Variants in ANO4 observed in about 807,000 individuals in gnomAD.
The protein encoded by ANO4 is anoctamin-4.
ANO4 carries 69 observed loss-of-function variants against 141.9 expected under a neutral mutation model. That is an observed-to-expected ratio of 0.49 (90% CI 0.40 to 0.59). The LOEUF is 0.59. ANO4 is among the 20% of genes least tolerant of loss of function. ANO4 has a pLI of 0.00. For missense variants in ANO4, 894 were observed against 1,162.2 expected, an observed-to-expected ratio of 0.77 and a Z score of 3.36; for synonymous variants, 350 against 394.3, an observed-to-expected ratio of 0.89 and a Z score of 1.33.
intron 1 of ANO4, among the ~76,000 whole-genome samples, chr12:100,833,033 A>G (rs1284926800): frequency 1.3e-5 from 2 of 152,136 alleles, no homozygotes; most frequent in African/African-American, 4.8e-5. Context: ...TAAAATAAGC[A>G]TATTTAAAAT....
chr12:100,819,069 G>GTA (rs1374484740), intron 1 of ANO4, among the ~76,000 whole-genome samples: 4 of 149,864 alleles, frequency 2.7e-5, no homozygotes, highest in East Asian at 1.9e-4. Context: ...ATGTATGTGT[G>GTA]TATATATATA....
rs577697318 is a variant in ANO4, at chr12:100,867,170, G to A, written c.-140-34476G>A. ...CTGCAATAAAAATATCACTTCTGGA[G>A]CCATAGTTGTGATTGGCAATATCAC... is the stretch of plus-strand genomic sequence containing the variant. On this transcript the variant is annotated intron_variant, in intron 1 of 27. Coordinates refer to ENST00000392977, the MANE Select transcript of ANO4 (RefSeq NM_001286615.2). Among the ~76,000 whole-genome samples, 51 of 152,276 alleles carry A rather than the reference G, an allele frequency of 3.3e-4. 1 individual carries two copies. Among genetic ancestry groups the A allele is most frequent in the African/African-American group, 1.2e-3 (48 of 41,550 alleles).
chr12:100,967,067 G>A (rs1334389452), intron 5 of ANO4, among the ~76,000 whole-genome samples: 1 of 151,782 alleles, frequency 6.6e-6, no homozygotes, highest in Non-Finnish European at 1.5e-5. Context: ...TGTTCTTGCT[G>A]AACAAAAGAA....
chr12:100,913,073 G>A (rs1450515964), intron 2 of ANO4, among the ~76,000 whole-genome samples: 2 of 152,068 alleles, frequency 1.3e-5, no homozygotes, highest in African/African-American at 4.8e-5. Flanking sequence ...ATCATTTGCT[G>A]AGTAACAACA....
intron 3 of ANO4, among the ~76,000 whole-genome samples, chr12:100,784,313 A>T (rs964695722): frequency 3.3e-5 from 5 of 152,024 alleles, no homozygotes; most frequent in Admixed American, 6.6e-5. Flanking sequence ...TCTTGTAGGG[A>T]TCTTCTAACT....
intron 14 of ANO4, among the ~76,000 whole-genome samples, chr12:101,067,630 C>T (rs2048645708): frequency 6.6e-6 from 1 of 152,120 alleles, no homozygotes; most frequent in Non-Finnish European, 1.5e-5. Context: ...TTGCAGTGAG[C>T]CGAGGTTGCA....
intron 18 of ANO4, 104 bp from the exon 19 acceptor site, chr12:101,096,432 C>A: frequency 1.2e-6 from 1 of 869,084 alleles, no homozygotes; most frequent in Non-Finnish European, 1.9e-6. Context: ...GCAGCCTCCT[C>A]AGGACTCCTG....
At chr12:100,953,766 A>G (rs2043069853) in intron 5 of ANO4, among the ~76,000 whole-genome samples, 1 of 152,210 alleles carries the variant, frequency 6.6e-6, no homozygotes, top group Non-Finnish European at 1.5e-5. Flanking sequence ...TGCATGTCTA[A>G]ACCCAACTCT....
At chr12:101,073,854 G>T (rs1391762723) in intron 14 of ANO4, among the ~76,000 whole-genome samples, 2 of 152,140 alleles carry the variant, frequency 1.3e-5, no homozygotes. Context: ...CACCTCAGAT[G>T]AACTTTATTT....
chr12:101,004,855 G>A (rs1221248746), intron 8 of ANO4, among the ~76,000 whole-genome samples: 1 of 152,108 alleles, frequency 6.6e-6, no homozygotes, highest in Non-Finnish European at 1.5e-5. Flanking sequence ...GCCGTAGCAG[G>A]GGCAGATAGA....
At chr12:100,823,454 A>G (rs2036163892) in intron 1 of ANO4, among the ~76,000 whole-genome samples, 1 of 151,926 alleles carries the variant, frequency 6.6e-6, no homozygotes. Context: ...CCTTTTTCAT[A>G]CCTTTCATTT....
intron 14 of ANO4, among the ~76,000 whole-genome samples, chr12:101,048,622 C>CA (rs2047734144): frequency 6.6e-6 from 1 of 152,186 alleles, no homozygotes; most frequent in Non-Finnish European, 1.5e-5. Flanking sequence ...ATGTCATTAG[C>CA]ACTCTGTTAT....
At chr12:100,902,993 A>G (rs558829634) in intron 2 of ANO4, among the ~76,000 whole-genome samples, 72 of 152,234 alleles carry the variant, frequency 4.7e-4, no homozygotes, top group African/African-American at 1.6e-3. Context: ...AGCTTCTACC[A>G]TTCTGATCAT....
chr12:101,020,290 A>G, intron 9 of ANO4, 150 bp downstream of exon 9: 3 of 606,244 alleles, frequency 4.9e-6, no homozygotes, highest in Non-Finnish European at 8.8e-6. Context: ...TCACAAGTGT[A>G]AAATCTTCGT....
At chr12:101,019,944 T>C in intron 8 of ANO4, 90 bp from the exon 9 acceptor site, 1 of 983,082 alleles carries the variant, frequency 1.0e-6, no homozygotes, top group Non-Finnish European at 1.6e-6. Context: ...ACTGAAGACA[T>C]CTGCATCTGA....
chr12:100,756,460 C>T (rs2032616714), intron 3 of ANO4, among the ~76,000 whole-genome samples: 1 of 152,156 alleles, frequency 6.6e-6, no homozygotes. Context: ...AGTGATTCTC[C>T]TGCCTCAGCC....
At chr12:101,076,884 A>G (rs1318225841) in intron 14 of ANO4, among the ~76,000 whole-genome samples, 1 of 152,048 alleles carries the variant, frequency 6.6e-6, no homozygotes, top group African/African-American at 2.4e-5. Context: ...TATCCCAGGG[A>G]CTCTGTGCAA....
intron 13 of ANO4, 182 bp from the exon 14 acceptor site, chr12:101,048,159 C>A: frequency 2.9e-6 from 3 of 1,016,974 alleles, no homozygotes; most frequent in Non-Finnish European, 4.1e-6. Context: ...TATATATGAA[C>A]TACCTTGCAA....
At chr12:101,125,327 A>T (rs1216935158) in intron 26 of ANO4, among the ~76,000 whole-genome samples, 4 of 152,046 alleles carry the variant, frequency 2.6e-5, no homozygotes, top group Admixed American at 2.0e-4. Context: ...GTATCCTGAG[A>T]CTCTGCTGAA....
Sources: gnomAD v4.1 joint callset for allele counts (sites outside exome capture counted in the v4.1 genomes callset) on GRCh38, gnomAD v4.1.1 for gene constraint, MANE v1.5 for transcripts, NCBI Gene and HGNC (gene_info 2026-07-23, HGNC 2026-07-21) for gene names.